The following ESR2 variants were observed in gnomAD, a reference collection of about 807,000 sequenced individuals.
ESR2 encodes the protein estrogen receptor beta.
In ESR2, 36 loss-of-function variants were observed where a neutral mutation model predicts 49.6. That is an observed-to-expected ratio of 0.73 (90% confidence interval 0.56 to 0.96). The LOEUF is 0.96. Among genes scored for constraint, ESR2 ranks in the 40% least tolerant of loss-of-function variants. ESR2 has a pLI of 0.00. For missense variants in ESR2, 714 were observed against 693.0 expected, an observed-to-expected ratio of 1.03 and a Z score of -0.34; for synonymous variants, 320 against 266.1, an observed-to-expected ratio of 1.20 and a Z score of -1.97.
At chr14:64,252,206 A>C (rs2076001221) in intron 6 of ESR2, among the ~76,000 whole-genome samples, 1 of 151,920 alleles carries the variant, frequency 6.6e-6, no homozygotes. Context: ...CCAGTTCCTC[A>C]GGGGGCTGAA....
chr14:64,235,812 G>A (rs929549790), intron 7 of ESR2, among the ~76,000 whole-genome samples: 1 of 152,110 alleles, frequency 6.6e-6, no homozygotes, highest in South Asian at 2.1e-4. Flanking sequence ...CCACAGCCAC[G>A]TCCTGGGTAG....
chr14:64,305,168 G>T (rs957204412), intron 1 of ESR2, among the ~76,000 whole-genome samples: 3 of 150,782 alleles, frequency 2.0e-5, no homozygotes, highest in Non-Finnish European at 4.4e-5. Context: ...GCGGGCGCCT[G>T]TAGTCCCAGC....
rs2075947242 is a variant in ESR2, at chr14:64,249,605, T to A, written c.1166A>T (p.Glu389Val). 2 of 1,614,062 alleles carry A rather than the reference T, an allele frequency of 1.2e-6. No homozygotes were observed. Among genetic ancestry groups the A allele is most frequent in the Non-Finnish European group, 1.7e-6 (2 of 1,179,968 alleles). Residue 389 changes from glutamate (E) to valine (V), a missense_variant, in exon 7 of 9, where the codon GAG becomes GTG. Physicochemically the swap from Glu to Val is moderately radical, Grantham distance 121 (BLOSUM62 -2). Transcript: ENST00000341099. ...MLLATTSRFR[E>V]LKLQHKEYLC... Reference sequence around the variant, plus strand: ...ATATTCTTTGTGTTGGAGTTTTAACTCTCGAAACCTTGAAGTAGTTGCCAG... The same window carrying A: ...ATATTCTTTGTGTTGGAGTTTTAACACTCGAAACCTTGAAGTAGTTGCCAG...
In ESR2 at chr14:64,276,628, CTTA is replaced by C. The variant is rs1188168707; in HGVS notation, c.535+3350_535+3352del. ...TGTTCTAAAAACATATCCAGAGAAA[CTTA>C]TTTTTTTCAAAACTTCATGAACAAA... is the stretch of plus-strand genomic sequence containing the variant. On this transcript the variant is annotated intron_variant, in intron 3 of 8. Coordinates refer to ENST00000341099, the MANE Select transcript of ESR2 (RefSeq NM_001437.3). 5.3e-5 allele frequency among the ~76,000 whole-genome samples: 8 copies of C among 152,218 alleles called. No individual in the cohort carries two copies. The South Asian group carries it at 1.7e-3, about 32-fold the overall frequency.
At chr14:64,278,681 T>C (rs1256033) in intron 3 of ESR2, among the ~76,000 whole-genome samples, 85,738 of 151,952 alleles carry the variant, frequency 0.56, 24,712 homozygotes, top group African/African-American at 0.65. Context: ...AGCAAGAAAG[T>C]GACTTCAGCA....
At chr14:64,306,954 A>G (rs981028537) in intron 1 of ESR2, among the ~76,000 whole-genome samples, 51 of 152,332 alleles carry the variant, frequency 3.3e-4, no homozygotes, top group Non-Finnish European at 5.4e-4. Flanking sequence ...ATTTTAAAAA[A>G]TAGATATAGG....
intron 3 of ESR2, among the ~76,000 whole-genome samples, chr14:64,276,349 C>T (rs1444887831): frequency 6.6e-6 from 1 of 152,044 alleles, no homozygotes; most frequent in African/African-American, 2.4e-5. Flanking sequence ...ATACAAATGG[C>T]AGATAGATTT....
chr14:64,263,384 C>T (rs777101159), intron 4 of ESR2, among the ~76,000 whole-genome samples: 3 of 152,060 alleles, frequency 2.0e-5, no homozygotes, highest in East Asian at 1.9e-4. Flanking sequence ...AGGCCAGGTG[C>T]GCTGGCTCAT....
At position 64,278,265 on chromosome 14, in the gene ESR2, C is replaced by T. The variant is rs1198734012; in HGVS notation, c.535+1716G>A. The stretch of plus-strand genomic sequence containing the variant: ...TTTAGAAAATCCCTATGAGTATCTC[C>T]ATTTCACAGAGGAGGAAACAGGCTA... On this transcript the variant is annotated intron_variant, in intron 3 of 8. Coordinates refer to ENST00000341099, the MANE Select transcript of ESR2 (RefSeq NM_001437.3). 2.6e-5 allele frequency among the ~76,000 whole-genome samples: 4 copies of T among 152,262 alleles called. No individual in the cohort carries two copies. The East Asian group carries it at 7.7e-4, about 29-fold the overall frequency.
chr14:64,243,066 T>A (rs1030632910), intron 7 of ESR2, among the ~76,000 whole-genome samples: 2 of 152,102 alleles, frequency 1.3e-5, no homozygotes, highest in African/African-American at 4.8e-5. Flanking sequence ...TCCCACCAGG[T>A]CCCTCCCACA....
chr14:64,243,013 T>C (rs1342852093), intron 7 of ESR2, among the ~76,000 whole-genome samples: 1 of 152,220 alleles, frequency 6.6e-6, no homozygotes, highest in Non-Finnish European at 1.5e-5. Context: ...TTCACTATCA[T>C]GAGAACAGCA....
intron 1 of ESR2, among the ~76,000 whole-genome samples, chr14:64,306,203 A>C (rs1468618765): frequency 6.6e-6 from 1 of 151,190 alleles, no homozygotes; most frequent in Non-Finnish European, 1.5e-5. Context: ...ACTCCATCTC[A>C]AAAAAAAAGA....
chr14:64,283,223 G>GC, intron 1 of ESR2, 148 bp from the exon 2 acceptor site: 1 of 355,100 alleles, frequency 2.8e-6, no homozygotes, highest in South Asian at 6.6e-5. Flanking sequence ...AACCTCAGAG[G>GC]AGTGGGAATG....
At chr14:64,259,647 C>T (rs28458963) in intron 5 of ESR2, among the ~76,000 whole-genome samples, 1 of 152,008 alleles carries the variant, frequency 6.6e-6, no homozygotes, top group Non-Finnish European at 1.5e-5. Context: ...ATGGAAAACG[C>T]AGGTTCCAAG....
intron 7 of ESR2, among the ~76,000 whole-genome samples, chr14:64,242,444 C>CA (rs146972114): frequency 2.2e-4 from 27 of 121,482 alleles, no homozygotes; most frequent in East Asian, 4.4e-4. Flanking sequence ...AACAAACAAA[C>CA]AAAAAAAATA....
At chr14:64,294,459 A>C (rs1409045810), upstream of ESR2, 1 of 152,178 alleles carries the variant, frequency 6.6e-6, no homozygotes, top group Non-Finnish European at 1.5e-5. Context: ...CGAGCCAGGG[A>C]GCCCGACGGT....
At chr14:64,261,946 T>A (rs2076233163) in intron 4 of ESR2, among the ~76,000 whole-genome samples, 1 of 151,468 alleles carries the variant, frequency 6.6e-6, no homozygotes, top group Non-Finnish European at 1.5e-5. Context: ...AGAACTAGGG[T>A]CTTACTATGT....
chr14:64,266,360 G>A (rs570323676), intron 4 of ESR2, among the ~76,000 whole-genome samples: 1 of 152,216 alleles, frequency 6.6e-6, no homozygotes, highest in Non-Finnish European at 1.5e-5. Flanking sequence ...CCAAAGAGGT[G>A]ATTCAGTAGT....
intron 7 of ESR2, among the ~76,000 whole-genome samples, chr14:64,237,240 G>C (rs991502695): frequency 1.3e-5 from 2 of 152,146 alleles, no homozygotes; most frequent in African/African-American, 4.8e-5. Flanking sequence ...GATTACAAGC[G>C]TGAGCCACTG....
Sources: allele counts gnomAD v4.1 joint callset (sites outside exome capture counted in the v4.1 genomes callset), GRCh38; gene constraint gnomAD v4.1.1; transcripts MANE v1.5; gene names NCBI Gene and HGNC (gene_info 2026-07-23, HGNC 2026-07-21).